Variants in ANKS1B observed in about 807,000 individuals in gnomAD.
ANKS1B encodes the protein ankyrin repeat and sterile alpha motif domain containing 1B.
In ANKS1B, 36 loss-of-function variants were observed where a neutral mutation model predicts 148.3. The ratio of observed to expected loss-of-function variants is 0.24; its 90% CI spans 0.19 to 0.32. The LOEUF is 0.32. ANKS1B is among the 10% of genes least tolerant of loss of function. The pLI is 1.00. For synonymous variants in ANKS1B, 542 were observed against 560.8 expected, an observed-to-expected ratio of 0.97 and a Z score of 0.47; for missense variants, 1,157 against 1,542.6, an observed-to-expected ratio of 0.75 and a Z score of 4.19.
intron 12 of ANKS1B, among the ~76,000 whole-genome samples, chr12:99,361,796 A>C (rs779123102): frequency 6.6e-6 from 1 of 152,082 alleles, no homozygotes; most frequent in Non-Finnish European, 1.5e-5. Context: ...ACTTTGTAAT[A>C]GCACACTGGG....
At chr12:99,496,869 A>G (rs1180143984) in intron 10 of ANKS1B, among the ~76,000 whole-genome samples, 9 of 152,194 alleles carry the variant, frequency 5.9e-5, no homozygotes, top group Non-Finnish European at 1.5e-5. Flanking sequence ...TGCCAGTCAC[A>G]ACCAACCCTC....
At chr12:98,904,591 A>T (rs2099776435) in intron 17 of ANKS1B, among the ~76,000 whole-genome samples, 1 of 152,208 alleles carries the variant, frequency 6.6e-6, no homozygotes, top group Admixed American at 6.5e-5. Flanking sequence ...TCAGCCCTTA[A>T]GACTGGTTTC....
At chr12:98,901,843 C>T (rs549584450) in intron 17 of ANKS1B, among the ~76,000 whole-genome samples, 1 of 152,204 alleles carries the variant, frequency 6.6e-6, no homozygotes, top group South Asian at 2.1e-4. Context: ...GAATGTCCAC[C>T]ACAGAAGCAG....
chr12:98,862,838 G>A (rs2099606360), intron 17 of ANKS1B, among the ~76,000 whole-genome samples: 1 of 152,134 alleles, frequency 6.6e-6, no homozygotes, highest in Admixed American at 6.5e-5. Context: ...CACATTTAGA[G>A]TTCTGAAATT....
intron 14 of ANKS1B, among the ~76,000 whole-genome samples, chr12:99,187,512 C>T (rs1002755109): frequency 1.1e-4 from 16 of 152,110 alleles, no homozygotes; most frequent in Admixed American, 2.6e-4. Flanking sequence ...ACCTTGCAAG[C>T]CAGGAGAGAG....
chr12:99,829,874 A>G (rs1352108495), intron 1 of ANKS1B, among the ~76,000 whole-genome samples: 3 of 152,072 alleles, frequency 2.0e-5, no homozygotes, highest in African/African-American at 4.8e-5. Context: ...TAGCTTTGAT[A>G]AAAAATAAAA....
rs888817895 is a variant in ANKS1B, at chr12:99,699,580, G to C, written c.1129-44370C>G. 5.3e-5 allele frequency among the ~76,000 whole-genome samples: 8 copies of C among 152,278 alleles called. No homozygotes were observed. In the South Asian group the frequency reaches 1.7e-3, roughly 32 times the overall value. On this transcript the variant is annotated intron_variant, in intron 8 of 26. Coordinates refer to ENST00000683438, the MANE Select transcript of ANKS1B (RefSeq NM_001352186.2). The stretch of plus-strand genomic sequence containing the variant: ...TACCCTTAATAAATGTGAAAGAACA[G>C]AGTCTTCTTGTATTGCTGTTTTAAA...
chr12:99,197,030 T>A (rs1287446448), intron 14 of ANKS1B, among the ~76,000 whole-genome samples: 1 of 152,088 alleles, frequency 6.6e-6, no homozygotes, highest in African/African-American at 2.4e-5. Context: ...TCTCTGTGTA[T>A]GAAATCCAAA....
At chr12:99,515,730 T>C (rs2096812494) in intron 9 of ANKS1B, among the ~76,000 whole-genome samples, 1 of 152,070 alleles carries the variant, frequency 6.6e-6, no homozygotes, top group Admixed American at 6.6e-5. Context: ...GATAGCTCCC[T>C]TTTTAGTTTT....
chr12:99,075,678 AGCAAGTCAACT>A (rs1240718154), intron 16 of ANKS1B, among the ~76,000 whole-genome samples: 5 of 151,906 alleles, frequency 3.3e-5, no homozygotes, highest in African/African-American at 1.2e-4. Context: ...ACAGTCTTTC[AGCAAGTCAACT>A]GCTCCTCCTG....
At position 99,984,390 on chromosome 12, in the gene ANKS1B, A is replaced by T; in HGVS notation, c.-153T>A. The T allele has an allele frequency of 2.3e-5, 8 of 354,576 alleles. No individual in the cohort carries two copies. The highest frequency in any genetic ancestry group is 6.3e-5 in the East Asian group (1 of 15,894). The allele number at this position is 354,576 out of a possible 1,614,324, so 22.0% of individuals were successfully genotyped here. ...GAGCTCCCTGCAGCCCCAGGCAGGG[A>T]GCACGACTCTCTCCTCCTCTTCGGG... On this transcript the variant is annotated 5_prime_UTR_variant, in exon 1 of 27. Coordinates refer to ENST00000683438, the MANE Select transcript of ANKS1B (RefSeq NM_001352186.2).
intron 17 of ANKS1B, among the ~76,000 whole-genome samples, chr12:99,042,548 AC>A (rs2099959768): frequency 6.6e-6 from 1 of 152,224 alleles, no homozygotes; most frequent in South Asian, 2.1e-4. Context: ...GCTTTAAGCC[AC>A]TTCATTTTCA....
At chr12:99,585,670 C>G (rs1400206291) in intron 9 of ANKS1B, among the ~76,000 whole-genome samples, 1 of 152,194 alleles carries the variant, frequency 6.6e-6, no homozygotes, top group African/African-American at 2.4e-5. Context: ...TTCCATACAT[C>G]CTCCAAAATC....
intron 6 of ANKS1B, among the ~76,000 whole-genome samples, chr12:99,776,687 T>G (rs369830486): frequency 4.8e-4 from 57 of 119,840 alleles, no homozygotes; most frequent in East Asian, 9.4e-4. Flanking sequence ...TTTTTGGTTG[T>G]TTGTTTGTTT....
chr12:99,798,589 G>GAAT (rs1285282164), intron 4 of ANKS1B, among the ~76,000 whole-genome samples: 2 of 151,912 alleles, frequency 1.3e-5, no homozygotes, highest in Non-Finnish European at 2.9e-5. Context: ...ACCAATGACA[G>GAAT]AATACAATGT....
chr12:99,469,199 C>T (rs1307575761), intron 10 of ANKS1B, among the ~76,000 whole-genome samples: 1 of 148,854 alleles, frequency 6.7e-6, no homozygotes, highest in South Asian at 2.1e-4. Flanking sequence ...GACAAAAAAC[C>T]AAACACCACA....
intron 8 of ANKS1B, among the ~76,000 whole-genome samples, chr12:99,704,592 T>G (rs1057391257): frequency 6.6e-6 from 1 of 151,748 alleles, no homozygotes; most frequent in Non-Finnish European, 1.5e-5. Flanking sequence ...ACACACAAAC[T>G]CTCTAATGAA....
chr12:98,780,998 G>T, intron 24 of ANKS1B, 119 bp downstream of exon 24: 1 of 635,502 alleles, frequency 1.6e-6, no homozygotes, highest in Non-Finnish European at 2.7e-6. Context: ...AAGCATGAAG[G>T]TTGGGGGAAA....
intron 26 of ANKS1B, among the ~76,000 whole-genome samples, chr12:98,749,684 A>G (rs2098022551): frequency 6.6e-6 from 1 of 152,048 alleles, no homozygotes; most frequent in African/African-American, 2.4e-5. Context: ...TAGTCAAGGA[A>G]TGGGAAGAGC....
Sources: gnomAD v4.1 joint callset for allele counts (sites outside exome capture counted in the v4.1 genomes callset) on GRCh38, gnomAD v4.1.1 for gene constraint, MANE v1.5 for transcripts, NCBI Gene and HGNC (gene_info 2026-07-23, HGNC 2026-07-21) for gene names.